Variants in TTC28 observed in about 807,000 individuals in gnomAD.
TTC28 encodes tetratricopeptide repeat protein 28.
TTC28 carries 61 observed loss-of-function variants against 198.0 expected under a neutral mutation model. That is an observed-to-expected ratio of 0.31 (90% CI 0.25 to 0.38). TTC28 has a LOEUF of 0.38. Ranked by LOEUF, TTC28 falls within the 10% of genes least tolerant of loss-of-function variation. The pLI is 1.00. For missense variants in TTC28, 2,678 were observed against 3,164.0 expected (o/e 0.85, Z 3.69); for synonymous variants, 1,171 against 1,297.8 (o/e 0.90, Z 2.10).
chr22:28,217,268 CA>C (rs1322898942), intron 5 of TTC28, among the ~76,000 whole-genome samples: 3 of 149,822 alleles, frequency 2.0e-5, no homozygotes, highest in Non-Finnish European at 4.4e-5. Flanking sequence ...TATGCACATG[CA>C]AAAAATAAAA....
At chr22:28,465,643 C>T (rs1349070985) in intron 2 of TTC28, among the ~76,000 whole-genome samples, 1 of 151,964 alleles carries the variant, frequency 6.6e-6, no homozygotes, top group Admixed American at 6.6e-5. Context: ...AAAATTATGC[C>T]TTATCCTGAT....
At chr22:28,473,720 C>T (rs1187802775) in intron 2 of TTC28, among the ~76,000 whole-genome samples, 1 of 152,174 alleles carries the variant, frequency 6.6e-6, no homozygotes, top group Non-Finnish European at 1.5e-5. Context: ...TGGGCAAAGC[C>T]AAGAACCCTC....
chr22:28,199,718 C>G (rs1925757399), intron 5 of TTC28, among the ~76,000 whole-genome samples: 1 of 151,626 alleles, frequency 6.6e-6, no homozygotes, highest in African/African-American at 2.4e-5. Context: ...GTGGAGAGTT[C>G]TGTGCCTTAT....
intron 5 of TTC28, among the ~76,000 whole-genome samples, chr22:28,223,096 C>G (rs528734575): frequency 6.6e-6 from 1 of 152,282 alleles, no homozygotes; most frequent in South Asian, 2.1e-4. Flanking sequence ...TCCAGACGCT[C>G]TCAGCATGAC....
intron 5 of TTC28, among the ~76,000 whole-genome samples, chr22:28,285,260 G>A (rs2044660613): frequency 6.6e-6 from 1 of 152,178 alleles, no homozygotes; most frequent in Non-Finnish European, 1.5e-5. Context: ...CGACTCTGAA[G>A]AACATTATGC....
chr22:28,634,436 G>A (rs932232678), intron 1 of TTC28, among the ~76,000 whole-genome samples: 6 of 151,068 alleles, frequency 4.0e-5, no homozygotes, highest in Admixed American at 2.0e-4. Flanking sequence ...CTTGAACCTG[G>A]GAATCGGAGG....
chr22:28,435,647 T>C (rs1401140813), intron 2 of TTC28, among the ~76,000 whole-genome samples: 3 of 152,228 alleles, frequency 2.0e-5, no homozygotes, highest in Non-Finnish European at 4.4e-5. Flanking sequence ...AATTAAACTC[T>C]GTAGCCTCTT....
At chr22:28,101,029 G>C (rs1215437120) in intron 9 of TTC28, 142 bp downstream of exon 9, 1 of 580,490 alleles carries the variant, frequency 1.7e-6, no homozygotes, top group East Asian at 3.2e-5. Flanking sequence ...TTCTGGGCTA[G>C]TACAGGCGGG....
intron 2 of TTC28, among the ~76,000 whole-genome samples, chr22:28,368,667 C>T (rs370567362): frequency 9.2e-5 from 14 of 152,072 alleles, no homozygotes; most frequent in African/African-American, 2.7e-4. Context: ...CACCAAAGAA[C>T]TATTAGAACT....
At chr22:28,564,350 C>G (rs1341175016) in intron 2 of TTC28, among the ~76,000 whole-genome samples, 1 of 151,982 alleles carries the variant, frequency 6.6e-6, no homozygotes, top group African/African-American at 2.4e-5. Context: ...AGGTTGAAAT[C>G]AGATGTCAAA....
chr22:28,540,313 C>T (rs1371392214), intron 2 of TTC28, among the ~76,000 whole-genome samples: 5 of 152,014 alleles, frequency 3.3e-5, no homozygotes, highest in Non-Finnish European at 7.4e-5. Context: ...AAAGCAGAAG[C>T]AAGAGAGAGA....
intron 12 of TTC28, among the ~76,000 whole-genome samples, chr22:28,086,560 A>T (rs1941608372): frequency 1.3e-5 from 2 of 152,196 alleles, no homozygotes; most frequent in Non-Finnish European, 2.9e-5. Flanking sequence ...AAGAGAAAGC[A>T]GGAAAGATCC....
chr22:28,491,587 G>T (rs1205995076), intron 2 of TTC28, among the ~76,000 whole-genome samples: 1 of 152,072 alleles, frequency 6.6e-6, no homozygotes, highest in African/African-American at 2.4e-5. Context: ...TTAGAATGGC[G>T]ATCATTAAAA....
At chr22:28,094,048 G>C (rs1163322745) in intron 12 of TTC28, 32 bp downstream of exon 12, 1 of 1,495,706 alleles carries the variant, frequency 6.7e-7, no homozygotes, top group East Asian at 2.5e-5. Flanking sequence ...AGATTTATCT[G>C]AAAATGGACT....
chr22:28,441,362 T>G (rs2047618748), intron 2 of TTC28, among the ~76,000 whole-genome samples: 1 of 152,120 alleles, frequency 6.6e-6, no homozygotes, highest in African/African-American at 2.4e-5. Flanking sequence ...AATTGCTTAA[T>G]TATATGGTTT....
At chr22:28,318,073 ATTTT>A (rs35011623) in intron 2 of TTC28, among the ~76,000 whole-genome samples, 2 of 139,798 alleles carry the variant, frequency 1.4e-5, no homozygotes, top group Non-Finnish European at 3.1e-5. Context: ...CAGCTAATTA[ATTTT>A]TTTTTTTTTT....
intron 2 of TTC28, among the ~76,000 whole-genome samples, chr22:28,480,386 G>A (rs912073414): frequency 2.0e-5 from 3 of 152,072 alleles, no homozygotes; most frequent in Middle Eastern, 3.4e-3. Flanking sequence ...ACTTCTTGGC[G>A]CTAATCTCAG....
chr22:28,578,624 C>A (rs1483223822), intron 2 of TTC28, among the ~76,000 whole-genome samples: 1 of 152,050 alleles, frequency 6.6e-6, no homozygotes, highest in Non-Finnish European at 1.5e-5. Context: ...GTTTTAACAT[C>A]ATATTAAGGA....
chr22:27,984,727 T>G (rs542744027), intron 22 of TTC28, among the ~76,000 whole-genome samples: 23 of 152,290 alleles, frequency 1.5e-4, no homozygotes, highest in Admixed American at 1.3e-3. Flanking sequence ...TGGCAGTTCT[T>G]CCAAATAAAA....
Sources: allele counts gnomAD v4.1 joint callset (sites outside exome capture counted in the v4.1 genomes callset), GRCh38; gene constraint gnomAD v4.1.1; transcripts MANE v1.5; gene names NCBI Gene and HGNC (gene_info 2026-07-23, HGNC 2026-07-21).